The following SYDE2 variants were observed in gnomAD, a reference collection of about 807,000 sequenced individuals.
SYDE2 encodes rho GTPase-activating protein SYDE2.
Under a neutral mutation model 91.5 loss-of-function variants are expected in SYDE2, and 76 were observed. The observed-to-expected ratio is 0.83, with a 90% CI of 0.69 to 1.01. The LOEUF (loss-of-function observed/expected upper bound fraction) is 1.01, where lower values mean the gene tolerates loss of function less well. Ranked by LOEUF, SYDE2 falls within the 50% of genes least tolerant of loss-of-function variation. SYDE2 has a pLI of 0.00. For missense variants in SYDE2, 1,364 were observed against 1,367.7 expected (o/e 1.00, Z 0.04); for synonymous variants, 513 against 506.4 (o/e 1.01, Z -0.18).
At chr1:85,186,274 C>A (rs1658136233) in intron 2 of SYDE2, among the ~76,000 whole-genome samples, 1 of 152,128 alleles carries the variant, frequency 6.6e-6, no homozygotes, top group East Asian at 1.9e-4. Context: ...GGTTGTGTCT[C>A]TGCCTGGCTT....
intron 1 of SYDE2, among the ~76,000 whole-genome samples, chr1:85,195,682 A>G (rs1658560864): frequency 6.6e-6 from 1 of 152,174 alleles, no homozygotes; most frequent in South Asian, 2.1e-4. Context: ...AAGGAGCACA[A>G]AAGATGAGCA....
In SYDE2 at chr1:85,190,274, A is replaced by G. The variant is rs747341639; in HGVS notation, c.1224T>C (p.Ser408=). Residue 408 remains serine, a synonymous_variant, in exon 2 of 7, where the codon TCT becomes TCC. Coordinates refer to ENST00000341460, the MANE Select transcript of SYDE2 (RefSeq NM_032184.2). ...GCTCTGCTTTCATCAGGTCACTGCC[A>G]GACAACATGCTCAAATTGACAGCAG... is the stretch of plus-strand genomic sequence containing the variant. The part of the protein sequence containing the change: ...KLPAVNLSML[S]GSDLMKAERH... The G allele has an allele frequency of 9.4e-5, 152 of 1,613,858 alleles. No individual in the cohort carries two copies. Among genetic ancestry groups the G allele is most frequent in the Middle Eastern group, 1.6e-4 (1 of 6,084 alleles).
chr1:85,194,549 T>C (rs1272673086), intron 1 of SYDE2, among the ~76,000 whole-genome samples: 1 of 150,630 alleles, frequency 6.6e-6, no homozygotes, highest in Non-Finnish European at 1.5e-5. Context: ...CAACTAAAAA[T>C]ATAAAAATAA....
At chr1:85,177,041 T>C (rs1056418196) in intron 4 of SYDE2, among the ~76,000 whole-genome samples, 3 of 152,176 alleles carry the variant, frequency 2.0e-5, no homozygotes, top group Non-Finnish European at 4.4e-5. Flanking sequence ...ATAGAATGAC[T>C]GTATCACACC....
At chr1:85,163,442 A>AATATATATAT (rs1491322072) in intron 6 of SYDE2, among the ~76,000 whole-genome samples, 180 of 50,724 alleles carry the variant, frequency 3.5e-3, no homozygotes, top group Non-Finnish European at 5.4e-3. Flanking sequence ...CTTGTACTTT[A>AATATATATAT]ATCTATATAT....
At chr1:85,181,375 T>C (rs1474388990) in intron 3 of SYDE2, 1 of 152,114 alleles carries the variant, frequency 6.6e-6, no homozygotes, top group East Asian at 1.9e-4. Context: ...GGTCTTGAAC[T>C]CCTGACCTCA....
chr1:85,198,439 A>T (rs1385311708), intron 1 of SYDE2, among the ~76,000 whole-genome samples: 4 of 152,176 alleles, frequency 2.6e-5, no homozygotes, highest in African/African-American at 9.7e-5. Flanking sequence ...AATTATTTTC[A>T]TCTCTCCTGA....
chr1:85,187,357 C>G (rs1658184019), intron 2 of SYDE2, among the ~76,000 whole-genome samples: 1 of 152,064 alleles, frequency 6.6e-6, no homozygotes, highest in South Asian at 2.1e-4. Flanking sequence ...ATTAAAAAGT[C>G]AGGAAACAAC....
chr1:85,166,626 GAAGA>G (rs976393227), intron 5 of SYDE2, among the ~76,000 whole-genome samples: 2 of 151,138 alleles, frequency 1.3e-5, no homozygotes, highest in African/African-American at 4.9e-5. Flanking sequence ...GGGAAGGAAT[GAAGA>G]GAGAATGAAA....
rs1340959429 is a variant in SYDE2, at chr1:85,182,301, T to C, written c.2341A>G (p.Lys781Glu). ...TAAATAAGACCTCTAGGTTCAAGTT[T>C]GACAGCCAACTGATGAGTCTTTGTC... ...RVTKTHQLAV[K>E]LEPRGLIYVK... is the part of the protein sequence containing the mutation. The change falls in exon 3 of 7, where the codon AAA (lysine) becomes GAA (glutamate). Residue 781 changes from lysine to glutamate, a missense_variant. Transcript: ENST00000341460. The C allele has an allele frequency of 1.9e-6, 3 of 1,613,722 alleles. No individual in the cohort carries two copies.
chr1:85,190,740 T>C lies in SYDE2; in HGVS notation c.758A>G (p.Asn253Ser), dbSNP rs1486952337. The change falls in exon 2 of 7, where the codon AAT becomes AGT. Residue 253 changes from asparagine (N) to serine (S), a missense_variant. By Grantham distance (46) the Asn-to-Ser change is conservative. Transcript: ENST00000341460. ...TCCCTTCATTGAAGACCCATAGGCA[T>C]TTTCAAATAAATCTGTTGCAAAGAT... Reference protein sequence around the residue: ...QRITLTDLFENAYGSSMKGRE... With the variant: ...QRITLTDLFESAYGSSMKGRE... 6.3e-7 allele frequency: 1 copy of C among 1,594,356 alleles called. No individual in the cohort carries two copies. The highest frequency in any genetic ancestry group is 1.1e-5 in the South Asian group (1 of 87,724).
chr1:85,163,445 CTATATATATATATATATA>C lies in SYDE2; in HGVS notation c.3085+1063_3085+1080del, dbSNP rs55977750. ...ATCAAGCATTCTCTTGTACTTTAAT[CTATATATATATATATATA>C]TATATATATATATATATAACAAAAG... On this transcript the variant is annotated intron_variant, in intron 6 of 6. Transcript: ENST00000341460. Among the ~76,000 whole-genome samples, 26 of 87,630 alleles carry C rather than the reference CTATATATATATATATATA, an allele frequency of 3.0e-4. 2 individuals are homozygous for C. Among genetic ancestry groups the C allele is most frequent in the South Asian group, 1.6e-3 (3 of 1,862 alleles). 57.5% of individuals were successfully genotyped at this position (87,630 alleles called of 152,430 possible).
At chr1:85,153,041 T>G (rs1394092233), downstream of SYDE2, 3 of 152,272 alleles carry the variant, frequency 2.0e-5, no homozygotes, top group East Asian at 5.8e-4. Context: ...TGAAGTGACA[T>G]TTGAGCAGAG....
intron 6 of SYDE2, among the ~76,000 whole-genome samples, chr1:85,162,151 A>C (rs1470032813): frequency 6.6e-6 from 1 of 152,238 alleles, no homozygotes; most frequent in Non-Finnish European, 1.5e-5. Context: ...CTTGCCCAAA[A>C]ATAAAAAACA....
chr1:85,197,950 G>A (rs1465002645), intron 1 of SYDE2, among the ~76,000 whole-genome samples: 2 of 152,072 alleles, frequency 1.3e-5, no homozygotes, highest in African/African-American at 4.8e-5. Context: ...CACTGCGCCC[G>A]GCCCAGCAAT....
intron 1 of SYDE2, among the ~76,000 whole-genome samples, chr1:85,197,064 C>T (rs1658612736): frequency 6.6e-6 from 1 of 152,068 alleles, no homozygotes; most frequent in Non-Finnish European, 1.5e-5. Context: ...CTAATTAAAA[C>T]TTATTTATAA....
chr1:85,180,757 TA>T (rs1406853896), intron 3 of SYDE2, among the ~76,000 whole-genome samples: 1 of 152,112 alleles, frequency 6.6e-6, no homozygotes, highest in Non-Finnish European at 1.5e-5. Context: ...TCTTGGCACT[TA>T]AAGTGGTAAC....
At position 85,183,167 on chromosome 1, in the gene SYDE2, T is replaced by A; in HGVS notation, c.1475A>T (p.Glu492Val). Reference protein sequence around the residue: ...SGILAATNSTELGIMEPSSPN... With the variant: ...SGILAATNSTVLGIMEPSSPN... Reference sequence around the variant, plus strand: ...AGAAGATGGTTCCATAATTCCCAATTCAGTACTATTTGTAGCAGCCAGGAT... The same window carrying A: ...AGAAGATGGTTCCATAATTCCCAATACAGTACTATTTGTAGCAGCCAGGAT... The change falls in exon 3 of 7, where the codon GAA becomes GTA. Residue 492 changes from glutamate (E) to valine (V), a missense_variant. Physicochemically the swap from Glu to Val is moderately radical, Grantham distance 121. Coordinates refer to ENST00000341460, the MANE Select transcript of SYDE2 (RefSeq NM_032184.2). 1 of 1,591,058 alleles carries A rather than the reference T, an allele frequency of 6.3e-7. No individual in the cohort carries two copies. The highest frequency in any genetic ancestry group is 1.2e-5 in the South Asian group (1 of 86,082).
chr1:85,172,006 AT>A (rs1214451882), intron 4 of SYDE2, among the ~76,000 whole-genome samples: 1 of 152,180 alleles, frequency 6.6e-6, no homozygotes, highest in Non-Finnish European at 1.5e-5. Context: ...TGTAAAGGAG[AT>A]AGTAAAAAAG....
Sources: allele counts gnomAD v4.1 joint callset (sites outside exome capture counted in the v4.1 genomes callset), GRCh38; gene constraint gnomAD v4.1.1; transcripts MANE v1.5; gene names NCBI Gene and HGNC (gene_info 2026-07-23, HGNC 2026-07-21).